DIS3L2: variants seen among roughly 807,000 people sequenced by gnomAD.
DIS3L2 encodes the protein DIS3 like 3'-5' exoribonuclease 2, also known as DIS3-like exonuclease 2.
DIS3L2 carries 34 observed loss-of-function variants against 97.5 expected under a neutral mutation model. That is an observed-to-expected ratio of 0.35 (90% CI 0.27 to 0.46). The LOEUF is 0.46. Ranked by LOEUF, DIS3L2 falls within the 20% of genes least tolerant of loss-of-function variation. DIS3L2 has a pLI of 1.00. For missense variants in DIS3L2, 1,038 were observed against 1,146.0 expected (o/e 0.91, Z 1.36); for synonymous variants, 435 against 445.2 (o/e 0.98, Z 0.29).
chr2:232,311,058 CATGCTGCTG>C (rs1695115297), intron 14 of DIS3L2, among the ~76,000 whole-genome samples: 1 of 152,246 alleles, frequency 6.6e-6, no homozygotes, highest in East Asian at 1.9e-4. Context: ...AGAGGTTTCC[CATGCTGCTG>C]AGCTATGGTG....
chr2:231,996,185 A>G (rs1308053266), intron 1 of DIS3L2, among the ~76,000 whole-genome samples: 1 of 152,214 alleles, frequency 6.6e-6, no homozygotes, highest in Non-Finnish European at 1.5e-5. Flanking sequence ...AATTGGGAGG[A>G]TGGTCTTTGG....
chr2:232,207,477 G>A (rs954861557), intron 9 of DIS3L2, among the ~76,000 whole-genome samples: 1 of 152,188 alleles, frequency 6.6e-6, no homozygotes, highest in Non-Finnish European at 1.5e-5. Flanking sequence ...GGAGATCAGT[G>A]TTTCTCTTCT....
At chr2:232,123,875 T>A (rs60859381) in intron 6 of DIS3L2, among the ~76,000 whole-genome samples, 1,795 of 152,226 alleles carry the variant, frequency 0.012, 37 homozygotes, top group African/African-American at 0.041. Flanking sequence ...AGCTCTCACA[T>A]GGAAATGCAG....
rs528596854 is a variant in DIS3L2, at chr2:232,232,531, C to T, written c.1205-6002C>T. Among the ~76,000 whole-genome samples, 273 of 152,208 alleles carry T rather than the reference C, an allele frequency of 1.8e-3. 2 individuals carry two copies. The highest frequency in any genetic ancestry group is 6.4e-3 in the African/African-American group (265 of 41,506). ...GGAAGGTAGAGTCAGAATGATTGATCGACACAGGCCTGAGAAAGTCCCAGG... is the reference window on the plus strand; with the variant it reads ...GGAAGGTAGAGTCAGAATGATTGATTGACACAGGCCTGAGAAAGTCCCAGG... On this transcript the variant is annotated intron_variant, in intron 10 of 20. Transcript: ENST00000325385.
intron 9 of DIS3L2, among the ~76,000 whole-genome samples, chr2:232,205,957 C>G (rs1692017079): frequency 6.6e-6 from 1 of 152,170 alleles, no homozygotes; most frequent in Non-Finnish European, 1.5e-5. Context: ...GTCAAATGGG[C>G]CCTTGTTCTC....
intron 1 of DIS3L2, among the ~76,000 whole-genome samples, chr2:231,989,621 C>G (rs1450456882): frequency 6.6e-6 from 1 of 152,026 alleles, no homozygotes; most frequent in African/African-American, 2.4e-5. Flanking sequence ...ATCGCTTGAG[C>G]CCAGGAGTTT....
intron 11 of DIS3L2, among the ~76,000 whole-genome samples, chr2:232,245,110 G>A (rs941032441): frequency 6.6e-6 from 1 of 152,198 alleles, no homozygotes; most frequent in African/African-American, 2.4e-5. Flanking sequence ...GGATCAAGGG[G>A]TCAGGGAATG....
intron 13 of DIS3L2, among the ~76,000 whole-genome samples, chr2:232,279,972 G>A (rs1299214554): frequency 4.6e-5 from 7 of 152,104 alleles, no homozygotes; most frequent in Admixed American, 3.3e-4. Context: ...CTTTTGAAAA[G>A]CAGAAATTTT....
chr2:232,309,123 C>T (rs1464291476), intron 14 of DIS3L2, among the ~76,000 whole-genome samples: 1 of 152,208 alleles, frequency 6.6e-6, no homozygotes, highest in South Asian at 2.1e-4. Context: ...GGAGCTTCTT[C>T]CCAGGTCACT....
At position 232,243,610 on chromosome 2, in the gene DIS3L2, G is replaced by A. The variant is rs75732960; in HGVS notation, c.1317+4965G>A. Among the ~76,000 whole-genome samples the A allele has an allele frequency of 2.2e-3, 342 of 152,318 alleles. 1 individual carries two copies. Among genetic ancestry groups the A allele is most frequent in the African/African-American group, 7.3e-3 (303 of 41,576 alleles). On this transcript the variant is annotated intron_variant, in intron 11 of 20. Transcript: ENST00000325385. The stretch of plus-strand genomic sequence containing the variant: ...GGTAATGTCTAACTGGACCCCAGGA[G>A]AACTAGGACAATAGATGTCTTCAGC...
chr2:232,138,130 G>A (rs1305909857), intron 8 of DIS3L2, among the ~76,000 whole-genome samples: 1 of 152,154 alleles, frequency 6.6e-6, no homozygotes, highest in Non-Finnish European at 1.5e-5. Flanking sequence ...GGTGTAGTCA[G>A]GAAATCTTCA....
At position 232,163,467 on chromosome 2, in the gene DIS3L2, C is replaced by T; in HGVS notation, c.959C>T (p.Ala320Val). Residue 320 changes from alanine to valine, a missense_variant, in exon 9 of 21, where the codon GCT becomes GTT. Physicochemically the swap from Ala to Val is moderately conservative, Grantham distance 64. Transcript: ENST00000325385. ...TTCTGTTCTATCCATAGGCAGCTGG[C>T]TAAGAGTCTTGGGCAGGCTGGTGAA... ...EDCNFALGQL[A>V]KSLGQAGEIE... is the part of the protein sequence containing the mutation. 6.2e-7 allele frequency: 1 copy of T among 1,613,750 alleles called. No homozygotes were observed. Among genetic ancestry groups the T allele is most frequent in the Non-Finnish European group, 8.5e-7 (1 of 1,179,846 alleles).
At chr2:232,029,423 C>A (rs752924135) in intron 4 of DIS3L2, among the ~76,000 whole-genome samples, 2 of 151,892 alleles carry the variant, frequency 1.3e-5, no homozygotes, top group South Asian at 4.2e-4. Context: ...GGGGAGTTCA[C>A]TGGGGAGCCA....
chr2:232,134,403 C>T (rs768395591), intron 7 of DIS3L2, among the ~76,000 whole-genome samples: 13 of 152,142 alleles, frequency 8.5e-5, no homozygotes, highest in Non-Finnish European at 1.6e-4. Flanking sequence ...CTATACCTTG[C>T]GTTTAAGGTT....
intron 9 of DIS3L2, among the ~76,000 whole-genome samples, chr2:232,164,181 G>A (rs1690736972): frequency 6.6e-6 from 1 of 152,220 alleles, no homozygotes; most frequent in Non-Finnish European, 1.5e-5. Flanking sequence ...CTAGTGAGAA[G>A]TGCCTTCCTT....
intron 1 of DIS3L2, among the ~76,000 whole-genome samples, chr2:231,976,796 C>T (rs1448377203): frequency 4.0e-5 from 5 of 126,380 alleles, no homozygotes; most frequent in Admixed American, 9.2e-5. Flanking sequence ...GAGACAGAGT[C>T]TCGCTCTGTT....
At chr2:232,249,028 TCA>T (rs1326367185) in intron 11 of DIS3L2, among the ~76,000 whole-genome samples, 1 of 152,232 alleles carries the variant, frequency 6.6e-6, no homozygotes, top group Non-Finnish European at 1.5e-5. Context: ...CCAGTTCTCC[TCA>T]CTTTCCCAGC....
intron 5 of DIS3L2, among the ~76,000 whole-genome samples, chr2:232,044,776 A>G (rs1695194269): frequency 6.6e-6 from 1 of 152,122 alleles, no homozygotes; most frequent in African/African-American, 2.4e-5. Flanking sequence ...GGATCCAGGA[A>G]AGGATGCTGT....
intron 9 of DIS3L2, among the ~76,000 whole-genome samples, chr2:232,194,808 C>T (rs1691705355): frequency 6.6e-6 from 1 of 152,058 alleles, no homozygotes; most frequent in Non-Finnish European, 1.5e-5. Flanking sequence ...TGACCCGCAA[C>T]CTGGAAGCAC....
Sources: allele counts gnomAD v4.1 joint callset (sites outside exome capture counted in the v4.1 genomes callset), GRCh38; gene constraint gnomAD v4.1.1; transcripts MANE v1.5; gene names NCBI Gene and HGNC (gene_info 2026-07-23, HGNC 2026-07-21).